Variants in NRG1 observed in about 807,000 individuals in gnomAD.
NRG1 encodes pro-neuregulin-1, membrane-bound isoform.
Under a neutral mutation model 63.8 loss-of-function variants are expected in NRG1, and 18 were observed. The observed-to-expected ratio is 0.28, with a 90% confidence interval of 0.19 to 0.42. The LOEUF (loss-of-function observed/expected upper bound fraction) is 0.42. Among genes scored for constraint, NRG1 ranks in the 10% least tolerant of loss-of-function variants. NRG1 has a pLI of 1.00. For missense variants in NRG1, 762 were observed against 814.7 expected, an observed-to-expected ratio of 0.94 and a Z score of 0.79; for synonymous variants, 302 against 301.3, an observed-to-expected ratio of 1.00 and a Z score of -0.02.
At position 32,627,032 on chromosome 8, in the gene NRG1, A is replaced by AG. The variant is rs554997238; in HGVS notation, c.502+10147_502+10148insG. Among the ~76,000 whole-genome samples, 1,254 of 151,960 alleles carry AG rather than the reference A, an allele frequency of 8.3e-3. 3 individuals carry two copies. Among genetic ancestry groups the AG allele is most frequent in the Middle Eastern group, 0.034 (10 of 292 alleles). ...AACACTCTATCTCAAAAAAATAAAA[A>AG]TAAAAAAGGAAAAGAAAATATTATT... On this transcript the variant is annotated intron_variant, in intron 5 of 11. Transcript: ENST00000356819.
rs775628600 is a variant in NRG1, at chr8:32,721,961, T to C, written c.503-5988T>C. Reference sequence around the variant, plus strand: ...GGAGCTATATTCAGAGCAAGAATAATAATTTCAGATTTTTTAACTGGACTT... The same window carrying C: ...GGAGCTATATTCAGAGCAAGAATAACAATTTCAGATTTTTTAACTGGACTT... On this transcript the variant is annotated intron_variant, in intron 5 of 11. Coordinates refer to ENST00000356819, the Ensembl canonical transcript of NRG1. The C allele has an allele frequency of 9.1e-6, 14 of 1,544,084 alleles. No homozygotes were observed. The South Asian group carries it at 1.7e-4, about 19-fold the overall frequency.
chr8:31,980,659 T>C (rs958534267), intron 1 of NRG1, among the ~76,000 whole-genome samples: 1 of 152,062 alleles, frequency 6.6e-6, no homozygotes, highest in Admixed American at 6.6e-5. Flanking sequence ...TCTTCTAAAA[T>C]TACCATAAAG....
At chr8:31,664,525 A>G (rs1806326176) in intron 1 of NRG1, among the ~76,000 whole-genome samples, 1 of 152,210 alleles carries the variant, frequency 6.6e-6, no homozygotes, top group Non-Finnish European at 1.5e-5. Context: ...AATTGTTATT[A>G]TGTGGTTTTG....
intron 7 of NRG1, among the ~76,000 whole-genome samples, chr8:32,748,152 T>C (rs1455538422): frequency 6.6e-6 from 1 of 152,080 alleles, no homozygotes; most frequent in Non-Finnish European, 1.5e-5. Flanking sequence ...CAAGTTTTTG[T>C]AAGAGAAACA....
intron 1 of NRG1, among the ~76,000 whole-genome samples, chr8:31,646,620 A>G (rs1260308581): frequency 6.6e-6 from 1 of 152,234 alleles, no homozygotes; most frequent in Non-Finnish European, 1.5e-5. Flanking sequence ...AGTTATAACT[A>G]CCACTTATGG....
chr8:32,380,950 G>A (rs1810271005), intron 1 of NRG1, among the ~76,000 whole-genome samples: 1 of 152,106 alleles, frequency 6.6e-6, no homozygotes, highest in Non-Finnish European at 1.5e-5. Flanking sequence ...ATGTTGAAAT[G>A]TACAATAGAT....
chr8:31,947,157 G>A (rs1160527485), intron 1 of NRG1, among the ~76,000 whole-genome samples: 2 of 151,406 alleles, frequency 1.3e-5, no homozygotes, highest in Non-Finnish European at 2.9e-5. Flanking sequence ...AAAATTAGCC[G>A]GGCGCGGTGG....
intron 1 of NRG1, among the ~76,000 whole-genome samples, chr8:32,478,185 T>C (rs1245723838): frequency 2.0e-5 from 3 of 152,230 alleles, no homozygotes; most frequent in African/African-American, 7.2e-5. Context: ...CAGTAGGCTT[T>C]GCTAATGGTG....
intron 1 of NRG1, among the ~76,000 whole-genome samples, chr8:31,968,162 G>T (rs1401725236): frequency 6.6e-6 from 1 of 152,128 alleles, no homozygotes; most frequent in Non-Finnish European, 1.5e-5. Context: ...AATGAATAAA[G>T]AAAATAAGAT....
chr8:31,675,952 A>G (rs1357970831), intron 1 of NRG1, among the ~76,000 whole-genome samples: 2 of 152,204 alleles, frequency 1.3e-5, no homozygotes, highest in Non-Finnish European at 2.9e-5. Context: ...GAATTTCTGC[A>G]ATTTTAAGAA....
chr8:32,326,675 T>C (rs1563318841), intron 1 of NRG1, among the ~76,000 whole-genome samples: 2 of 152,036 alleles, frequency 1.3e-5, no homozygotes, highest in Admixed American at 6.6e-5. Flanking sequence ...CTTATACTGA[T>C]ATATACATTT....
At chr8:32,697,528 G>A (rs1044887442) in intron 5 of NRG1, among the ~76,000 whole-genome samples, 6 of 152,140 alleles carry the variant, frequency 3.9e-5, no homozygotes, top group African/African-American at 1.2e-4. Flanking sequence ...CTTTCCTGGG[G>A]CTGGTATGGT....
intron 1 of NRG1, among the ~76,000 whole-genome samples, chr8:32,108,440 C>A (rs1831559400): frequency 6.6e-6 from 1 of 152,156 alleles, no homozygotes; most frequent in Admixed American, 6.5e-5. Flanking sequence ...AGCTACCAAA[C>A]ACTGCCAAGC....
At chr8:31,749,859 ATC>A (rs1192874283) in intron 1 of NRG1, among the ~76,000 whole-genome samples, 1 of 148,654 alleles carries the variant, frequency 6.7e-6, no homozygotes, top group Non-Finnish European at 1.5e-5. Flanking sequence ...ATATTTTAAA[ATC>A]TGTTTGTTTA....
chr8:32,732,799 CTTTTTTTTTTT>C (rs1173388613), intron 6 of NRG1, among the ~76,000 whole-genome samples: 168 of 83,364 alleles, frequency 2.0e-3, no homozygotes, highest in African/African-American at 7.1e-3. Flanking sequence ...TGTTTAATTT[CTTTTTTTTTTT>C]TTTTTTTTTT....
At chr8:32,252,993 G>A (rs979915241) in intron 1 of NRG1, among the ~76,000 whole-genome samples, 10 of 152,040 alleles carry the variant, frequency 6.6e-5, no homozygotes, top group Non-Finnish European at 1.2e-4. Context: ...TTGGCTCTCT[G>A]TTTTTCTATT....
In NRG1 at chr8:32,340,729, T is replaced by C. The variant is rs188747794; in HGVS notation, c.38-255099T>C. Among the ~76,000 whole-genome samples, 346 of 152,298 alleles carry C rather than the reference T, an allele frequency of 2.3e-3. 2 individuals carry two copies. The highest frequency in any genetic ancestry group is 7.8e-3 in the African/African-American group (324 of 41,556). ...AGAACTTTCAAGGTCACTCACAGAA[T>C]ACATGCCTGAGCTGGGATTCTAACT... On this transcript the variant is annotated intron_variant, in intron 1 of 10. Transcript: ENST00000519301.
chr8:32,075,651 C>CTTTTTTTTTTTTTTTTTTTTTTTTTTTT (rs200354474), intron 1 of NRG1, among the ~76,000 whole-genome samples: 1 of 150,296 alleles, frequency 6.7e-6, no homozygotes, highest in African/African-American at 2.5e-5. Context: ...ATATTTTAAC[C>CTTTTTTTTTTTTTTTTTTTTTTTTTTTT]TTTTTTTTTT....
chr8:32,385,508 C>T (rs1003439168), intron 1 of NRG1, among the ~76,000 whole-genome samples: 1 of 152,006 alleles, frequency 6.6e-6, no homozygotes, highest in East Asian at 1.9e-4. Context: ...AGTACAGTGG[C>T]GTCTGCTTGG....
Sources: gnomAD v4.1 joint callset for allele counts (sites outside exome capture counted in the v4.1 genomes callset) on GRCh38, gnomAD v4.1.1 for gene constraint, MANE v1.5 for transcripts, NCBI Gene and HGNC (gene_info 2026-07-23, HGNC 2026-07-21) for gene names.